The following SCLT1 variants were observed in gnomAD, a reference collection of about 807,000 sequenced individuals.
SCLT1 encodes sodium channel-associated protein 1.
In SCLT1, 78 loss-of-function variants were observed where a neutral mutation model predicts 112.8. The observed-to-expected ratio is 0.69, with a 90% confidence interval of 0.58 to 0.83. The LOEUF (loss-of-function observed/expected upper bound fraction) is 0.83. Ranked by LOEUF, SCLT1 falls within the 40% of genes least tolerant of loss-of-function variation. The probability of loss-of-function intolerance (pLI) is 0.00; values close to 1 mark genes in which losing one functional copy is unlikely to be tolerated. For missense variants in SCLT1, 747 were observed against 770.4 expected (o/e 0.97, Z 0.36); for synonymous variants, 257 against 254.7 (o/e 1.01, Z -0.09).
chr4:128,986,871 ACT>A lies in SCLT1; in HGVS notation c.686+5294_686+5295del, dbSNP rs141555094. 2.9e-3 allele frequency among the ~76,000 whole-genome samples: 446 copies of A among 151,924 alleles called. 1 individual carries two copies. Among genetic ancestry groups the A allele is most frequent in the African/African-American group, 0.01 (430 of 41,412 alleles). On this transcript the variant is annotated intron_variant, in intron 9 of 20. Transcript: ENST00000281142. ...ACTGGTCTGAAGGGATTCGGGTGTGACTCTGTGTAGTGCTAGCTGTGGTAGCC... is the reference window on the plus strand; with the variant it reads ...ACTGGTCTGAAGGGATTCGGGTGTGACTGTGTAGTGCTAGCTGTGGTAGCC...
At chr4:128,892,942 T>A (rs1325929998) in intron 18 of SCLT1, among the ~76,000 whole-genome samples, 7 of 152,152 alleles carry the variant, frequency 4.6e-5, no homozygotes, top group Non-Finnish European at 8.8e-5. Context: ...TTAAAATTAC[T>A]GCCCAACCAT....
intron 1 of SCLT1, among the ~76,000 whole-genome samples, chr4:129,091,474 T>C (rs1009115167): frequency 3.3e-4 from 50 of 152,182 alleles, no homozygotes; most frequent in African/African-American, 1.2e-3. Flanking sequence ...ATCATTCTTA[T>C]AAAATTAATA....
At chr4:128,928,775 T>C (rs1209886924) in intron 18 of SCLT1, among the ~76,000 whole-genome samples, 6 of 151,480 alleles carry the variant, frequency 4.0e-5, no homozygotes, top group Non-Finnish European at 1.5e-5. Flanking sequence ...GAGGTTGCAG[T>C]GAGCTGAGAT....
chr4:129,001,321 C>T (rs180715859), intron 6 of SCLT1, among the ~76,000 whole-genome samples: 1 of 148,632 alleles, frequency 6.7e-6, no homozygotes, highest in Admixed American at 6.7e-5. Flanking sequence ...CTTCTTGAAT[C>T]AGAAACTGGG....
chr4:129,023,976 G>A (rs1354586872), intron 5 of SCLT1, among the ~76,000 whole-genome samples: 2 of 152,208 alleles, frequency 1.3e-5, no homozygotes, highest in Non-Finnish European at 1.5e-5. Flanking sequence ...AGGCGGCAGC[G>A]AGGCTGGGGG....
intron 2 of SCLT1, among the ~76,000 whole-genome samples, chr4:129,055,312 T>C (rs1315895814): frequency 6.6e-6 from 1 of 152,196 alleles, no homozygotes; most frequent in Non-Finnish European, 1.5e-5. Flanking sequence ...AGGATCCTGC[T>C]TGTCAGGATC....
intron 5 of SCLT1, among the ~76,000 whole-genome samples, chr4:129,006,273 C>G (rs1021288645): frequency 2.0e-5 from 3 of 152,098 alleles, no homozygotes; most frequent in African/African-American, 7.2e-5. Context: ...GGTTCGGTGG[C>G]TCACACCTGT....
intron 9 of SCLT1, chr4:128,970,763 T>C (rs1482271230): frequency 4.1e-6 from 1 of 241,166 alleles, no homozygotes; most frequent in Non-Finnish European, 8.0e-6. Context: ...AAAAGCACTT[T>C]ATCATCTTGA....
At chr4:128,873,256 G>GAAAAAAAAAAAAAAAA (rs1296724284) in intron 5 of SCLT1, 12 of 28,398 alleles carry the variant, frequency 4.2e-4, no homozygotes, top group East Asian at 2.2e-3. Flanking sequence ...TAAGAAAAAG[G>GAAAAAAAAAAAAAAAA]AAAAAAAAAA....
At chr4:129,048,588 A>G (rs1748428503) in intron 2 of SCLT1, among the ~76,000 whole-genome samples, 1 of 151,514 alleles carries the variant, frequency 6.6e-6, no homozygotes, top group African/African-American at 2.4e-5. Context: ...TCATGTCTAA[A>G]ACACCAAAAG....
At chr4:129,027,792 C>G (rs1746266299) in intron 5 of SCLT1, among the ~76,000 whole-genome samples, 1 of 152,108 alleles carries the variant, frequency 6.6e-6, no homozygotes, top group Non-Finnish European at 1.5e-5. Context: ...CGTCTCAGCC[C>G]AAAATCTCCT....
intron 1 of SCLT1, among the ~76,000 whole-genome samples, chr4:129,083,207 T>G (rs1756010): frequency 1.9e-4 from 18 of 96,720 alleles, no homozygotes; most frequent in Admixed American, 3.2e-4. Context: ...AAAAAAAGAA[T>G]AAGAAGAAAA....
downstream of SCLT1, among the ~76,000 whole-genome samples, chr4:128,879,931 C>A (rs1732605570): frequency 6.6e-6 from 1 of 151,978 alleles, no homozygotes; most frequent in Non-Finnish European, 1.5e-5. Flanking sequence ...GACTGTGCTG[C>A]CATAGAATGA....
In SCLT1 at chr4:129,026,152, G is replaced by A. The variant is rs540970157; in HGVS notation, c.290+12889C>T. On this transcript the variant is annotated intron_variant, in intron 5 of 20. Coordinates refer to ENST00000281142, the MANE Select transcript of SCLT1 (RefSeq NM_144643.4). ...ATTAGACAGATCAACGAGACAGAAA[G>A]TTAACAAGGATATCCAGGAATTGAA... Among the ~76,000 whole-genome samples the A allele has an allele frequency of 4.5e-4, 68 of 152,122 alleles. 1 individual carries two copies. The highest frequency in any genetic ancestry group is 1.6e-3 in the African/African-American group (65 of 41,500).
intron 9 of SCLT1, among the ~76,000 whole-genome samples, chr4:128,985,011 C>A (rs1484620822): frequency 1.3e-5 from 2 of 151,906 alleles, no homozygotes; most frequent in Non-Finnish European, 2.9e-5. Context: ...CTAGTTCTAC[C>A]CATGTTGCTC....
intron 17 of SCLT1, among the ~76,000 whole-genome samples, chr4:128,941,204 G>A (rs1451330680): frequency 6.6e-6 from 1 of 152,064 alleles, no homozygotes; most frequent in East Asian, 1.9e-4. Flanking sequence ...TGAGATTTGG[G>A]TAGGAAGACA....
intron 9 of SCLT1, 36 bp downstream of exon 9, chr4:128,992,131 T>A: frequency 7.3e-7 from 1 of 1,372,954 alleles, no homozygotes; most frequent in Non-Finnish European, 1.0e-6. Flanking sequence ...GAAAAATAAT[T>A]AACAATGAAA....
At chr4:129,084,916 AC>A (rs909050781) in intron 1 of SCLT1, among the ~76,000 whole-genome samples, 8 of 152,146 alleles carry the variant, frequency 5.3e-5, no homozygotes, top group Non-Finnish European at 1.2e-4. Flanking sequence ...AACTATAAAA[AC>A]CCCGGAAGAC....
At chr4:128,926,215 T>C (rs1301700437) in intron 18 of SCLT1, among the ~76,000 whole-genome samples, 2 of 152,110 alleles carry the variant, frequency 1.3e-5, no homozygotes, top group African/African-American at 2.4e-5. Flanking sequence ...TGTTTTTAGC[T>C]TTTTCAAGAC....
Sources: allele counts gnomAD v4.1 joint callset (sites outside exome capture counted in the v4.1 genomes callset), GRCh38; gene constraint gnomAD v4.1.1; transcripts MANE v1.5; gene names NCBI Gene and HGNC (gene_info 2026-07-23, HGNC 2026-07-21).